Variants in AGFG1 observed in about 807,000 individuals in gnomAD.
AGFG1 encodes the protein arf-GAP domain and FG repeat-containing protein 1.
AGFG1 carries 10 observed loss-of-function variants against 60.6 expected under a neutral mutation model. That is an observed-to-expected ratio of 0.16 (90% confidence interval 0.10 to 0.28). The LOEUF is 0.28. AGFG1 is among the 10% of genes least tolerant of loss of function. The probability of loss-of-function intolerance (pLI) is 1.00; values close to 1 mark genes in which losing one functional copy is unlikely to be tolerated. For missense variants in AGFG1, 537 were observed against 676.5 expected, an observed-to-expected ratio of 0.79 and a Z score of 2.29; for synonymous variants, 247 against 242.9, an observed-to-expected ratio of 1.02 and a Z score of -0.16.
At position 227,560,842 on chromosome 2, in the gene AGFG1, A is replaced by G. The variant is rs1032750589; in HGVS notation, c.*6347A>G. On this transcript the variant is annotated 3_prime_UTR_variant, in exon 13 of 13. Coordinates refer to ENST00000310078, the MANE Select transcript of AGFG1 (RefSeq NM_004504.5). ...CTTAACATGTCTTTGCTGTTAGTCAAGCACAGGATTTGTTTTCTGCAAAAG... is the reference window on the plus strand; with the variant it reads ...CTTAACATGTCTTTGCTGTTAGTCAGGCACAGGATTTGTTTTCTGCAAAAG... 2 of 152,182 alleles carry G rather than the reference A, an allele frequency of 1.3e-5. No homozygotes were observed. Among genetic ancestry groups the G allele is most frequent in the African/African-American group, 4.8e-5 (2 of 41,454 alleles). The allele number at this position is 152,182 out of a possible 1,614,324, so 9.4% of individuals were successfully genotyped here.
At chr2:227,499,130 A>G (rs2106179690) in intron 2 of AGFG1, among the ~76,000 whole-genome samples, 1 of 152,340 alleles carries the variant, frequency 6.6e-6, no homozygotes, top group South Asian at 2.1e-4. Context: ...TGTAAATTTC[A>G]AGGACTTTAA....
intron 5 of AGFG1, among the ~76,000 whole-genome samples, chr2:227,528,125 A>G (rs78349645): frequency 1.4e-3 from 209 of 152,364 alleles, no homozygotes; most frequent in African/African-American, 4.8e-3. Flanking sequence ...CTCTCCAGCC[A>G]CATTTCTTTC....
At chr2:227,541,531 T>C (rs1041086141) in intron 10 of AGFG1, among the ~76,000 whole-genome samples, 1 of 152,220 alleles carries the variant, frequency 6.6e-6, no homozygotes, top group African/African-American at 2.4e-5. Context: ...TTCTGAGGGC[T>C]CTGTTCTGTT....
chr2:227,542,250 G>A (rs1472902349), intron 10 of AGFG1, among the ~76,000 whole-genome samples: 1 of 152,114 alleles, frequency 6.6e-6, no homozygotes, highest in Non-Finnish European at 1.5e-5. Flanking sequence ...GTTTTCAAAG[G>A]GAATGCTTCC....
Position 227,523,830 on chromosome 2 carries a change from A to G in AGFG1, c.445A>G (p.Ser149Gly). The G allele has an allele frequency of 3.1e-6, 5 of 1,614,036 alleles. No individual in the cohort carries two copies. The highest frequency in any genetic ancestry group is 4.2e-6 in the Non-Finnish European group (5 of 1,179,974). Residue 149 changes from serine to glycine, a missense_variant, in exon 4 of 13, where the codon AGT becomes GGT. Coordinates refer to ENST00000310078, the MANE Select transcript of AGFG1 (RefSeq NM_004504.5). ...VHASISGSSA[S>G]STSSTPEVKP... is the part of the protein sequence containing the mutation. ...TGCATCTATTTCAGGGTCCTCTGCC[A>G]GTAGCACAAGCAGCACACCTGAGGT...
At chr2:227,511,322 T>C (rs4508591) in intron 2 of AGFG1, among the ~76,000 whole-genome samples, 99,275 of 152,068 alleles carry the variant, frequency 0.65, 32,364 homozygotes, top group South Asian at 0.75. Context: ...TCCATGGTTG[T>C]AGGTATGTTA....
intron 2 of AGFG1, among the ~76,000 whole-genome samples, chr2:227,510,179 A>T (rs1257845049): frequency 4.6e-5 from 7 of 152,028 alleles, no homozygotes; most frequent in Non-Finnish European, 1.0e-4. Context: ...TGCTTACTGT[A>T]CTCATGCTCC....
chr2:227,536,603 C>T (rs763774591), intron 8 of AGFG1, 22 bp from the exon 9 acceptor site: 1 of 1,595,146 alleles, frequency 6.3e-7, no homozygotes, highest in South Asian at 1.1e-5. Context: ...AAAAAATGAA[C>T]TCTTTCAATA....
At chr2:227,480,569 A>G (rs1159598956) in intron 1 of AGFG1, among the ~76,000 whole-genome samples, 1 of 149,734 alleles carries the variant, frequency 6.7e-6, no homozygotes, top group Non-Finnish European at 1.5e-5. Flanking sequence ...ACTTCCTTCA[A>G]TATGATCAGA....
chr2:227,483,507 T>C (rs186849342), intron 1 of AGFG1, among the ~76,000 whole-genome samples: 2 of 152,358 alleles, frequency 1.3e-5, no homozygotes, highest in East Asian at 3.9e-4. Flanking sequence ...ACTGTACTCC[T>C]GGCAATTACT....
At chr2:227,550,852 T>C (rs1373165847) in intron 10 of AGFG1, among the ~76,000 whole-genome samples, 1 of 152,206 alleles carries the variant, frequency 6.6e-6, no homozygotes, top group Non-Finnish European at 1.5e-5. Flanking sequence ...GGAAATTTAG[T>C]GAATTTTCAT....
chr2:227,481,942 T>C (rs1163196456), intron 1 of AGFG1, among the ~76,000 whole-genome samples: 1 of 149,430 alleles, frequency 6.7e-6, no homozygotes, highest in Non-Finnish European at 1.5e-5. Flanking sequence ...CTCTGCTCAC[T>C]GCAAGCTCTG....
chr2:227,491,277 T>G (rs1027569428), intron 1 of AGFG1, among the ~76,000 whole-genome samples: 4 of 152,190 alleles, frequency 2.6e-5, no homozygotes, highest in African/African-American at 9.6e-5. Flanking sequence ...TTGCATTTCC[T>G]AGAAACTCAT....
At chr2:227,517,872 C>T (rs981365359) in intron 2 of AGFG1, among the ~76,000 whole-genome samples, 5 of 152,098 alleles carry the variant, frequency 3.3e-5, no homozygotes, top group African/African-American at 9.7e-5. Flanking sequence ...AAACTGATAA[C>T]GTGTACATAC....
At chr2:227,507,352 G>T (rs930895516) in intron 2 of AGFG1, among the ~76,000 whole-genome samples, 3 of 152,060 alleles carry the variant, frequency 2.0e-5, no homozygotes, top group African/African-American at 7.2e-5. Flanking sequence ...AGTAATCCCA[G>T]CACTTTTGGG....
intron 2 of AGFG1, among the ~76,000 whole-genome samples, chr2:227,512,801 G>T (rs1418238046): frequency 6.6e-6 from 1 of 152,156 alleles, no homozygotes; most frequent in Non-Finnish European, 1.5e-5. Flanking sequence ...ATTAAGTGCT[G>T]TGATTATATC....
intron 12 of AGFG1, 95 bp from the exon 13 acceptor site, chr2:227,554,341 T>A (rs866413447): frequency 1.9e-6 from 2 of 1,025,850 alleles, no homozygotes; most frequent in Middle Eastern, 3.0e-4. Flanking sequence ...AACCAAAAAG[T>A]CTAATTAAAA....
In AGFG1 at chr2:227,556,302, T is replaced by G. The variant is rs1259061733; in HGVS notation, c.*1807T>G. 2 of 152,538 alleles carry G rather than the reference T, an allele frequency of 1.3e-5. No individual in the cohort carries two copies. The highest frequency in any genetic ancestry group is 2.9e-5 in the Non-Finnish European group (2 of 68,046). The allele number at this position is 152,538 out of a possible 1,614,324, so 9.4% of individuals were successfully genotyped here. On this transcript the variant is annotated 3_prime_UTR_variant, in exon 13 of 13. Transcript: ENST00000310078. ...TAAAACCTGTATAGTGTTTTAGACT[T>G]GTTAAAACATTGCTGTCTAGTGTAC...
intron 10 of AGFG1, among the ~76,000 whole-genome samples, chr2:227,546,150 G>A (rs192000480): frequency 2.6e-5 from 4 of 152,344 alleles, no homozygotes; most frequent in Admixed American, 6.5e-5. Context: ...CCTAGTTCAA[G>A]CTTCCTGGCC....
Sources: gnomAD v4.1 joint callset for allele counts (sites outside exome capture counted in the v4.1 genomes callset) on GRCh38, gnomAD v4.1.1 for gene constraint, MANE v1.5 for transcripts, NCBI Gene and HGNC (gene_info 2026-07-23, HGNC 2026-07-21) for gene names.